The following EP300 variants were observed in gnomAD, a reference collection of about 807,000 sequenced individuals.
EP300 encodes EP300 lysine acetyltransferase.
EP300 carries 31 observed loss-of-function variants against 264.0 expected under a neutral mutation model. That is an observed-to-expected ratio of 0.12 (90% confidence interval 0.09 to 0.16). EP300 has a LOEUF of 0.16. Ranked by LOEUF, EP300 falls within the 10% of genes least tolerant of loss-of-function variation. The probability of loss-of-function intolerance (pLI) is 1.00; values close to 1 mark genes in which losing one functional copy is unlikely to be tolerated. For synonymous variants in EP300, 1,340 were observed against 1,045.4 expected, an observed-to-expected ratio of 1.28 and a Z score of -5.44; for missense variants, 2,766 against 3,052.9, an observed-to-expected ratio of 0.91 and a Z score of 2.21.
At chr22:41,164,186 A>G (rs1369642220) in intron 22 of EP300, 56 bp downstream of exon 22, 6 of 1,487,474 alleles carry the variant, frequency 4.0e-6, no homozygotes, top group African/African-American at 2.8e-5. Flanking sequence ...GAATATTAAC[A>G]AGTTTTTTAT....
chr22:41,127,394 A>T, intron 3 of EP300, 93 bp from the exon 4 acceptor site: 1 of 1,551,156 alleles, frequency 6.4e-7, no homozygotes, highest in Non-Finnish European at 8.8e-7. Context: ...TAGACTAACC[A>T]TAAAGGTTTT....
intron 7 of EP300, among the ~76,000 whole-genome samples, 174 bp from the exon 8 acceptor site, chr22:41,137,479 A>G (rs959694643): frequency 4.6e-5 from 7 of 152,190 alleles, no homozygotes; most frequent in Admixed American, 2.6e-4. Flanking sequence ...ACAGGTATGA[A>G]CATGCACAGT....
chr22:41,137,522 C>T, intron 7 of EP300, 131 bp from the exon 8 acceptor site: 5 of 1,211,406 alleles, frequency 4.1e-6, no homozygotes, highest in Non-Finnish European at 6.0e-6. Flanking sequence ...CTTCTCCCTG[C>T]CTAGCTCCTT....
At chr22:41,164,203 C>T in intron 22 of EP300, 73 bp downstream of exon 22, 2 of 1,294,574 alleles carry the variant, frequency 1.5e-6, no homozygotes, top group Non-Finnish European at 2.2e-6. Flanking sequence ...TTATTCTATG[C>T]AATTGACTGT....
At position 41,131,273 on chromosome 22, in the gene EP300, C is replaced by T; in HGVS notation, c.1283-115C>T. On this transcript the variant is annotated intron_variant, in intron 5 of 30. Transcript: ENST00000263253. ...AATAATGGAAGACAAGATCCACATA[C>T]TCAGATGTTTCATAATCACGTAACA... The T allele has an allele frequency of 2.6e-6, 3 of 1,172,718 alleles. No individual in the cohort carries two copies. The South Asian group carries it at 3.7e-5, about 14-fold the overall frequency. The allele number at this position is 1,172,718 out of a possible 1,614,324, so 72.6% of individuals were successfully genotyped here. A position where few individuals can be genotyped will look rare whatever the true frequency, so the allele number is the denominator to read the frequency against.
intron 2 of EP300, among the ~76,000 whole-genome samples, chr22:41,125,309 G>A (rs1195408285): frequency 6.6e-6 from 1 of 151,514 alleles, no homozygotes; most frequent in African/African-American, 2.4e-5. Context: ...TAGTAGAGAC[G>A]GGGTTTCACC....
At chr22:41,130,440 G>A (rs933750662) in intron 5 of EP300, among the ~76,000 whole-genome samples, 6 of 151,892 alleles carry the variant, frequency 4.0e-5, no homozygotes, top group African/African-American at 1.5e-4. Context: ...GAGATGAGAG[G>A]ATTGCTTGAA....
At position 41,168,768 on chromosome 22, in the gene EP300, A is replaced by G. The variant is rs2059154283; in HGVS notation, c.4073A>G (p.Lys1358Arg). The stretch of plus-strand genomic sequence containing the variant: ...GCAGAATCCTTTCCATACCGAACCA[A>G]AGCCCTCTTTGCCTTTGAAGAAATT... ...EMAESFPYRT[K>R]ALFAFEEIDG... The change falls in exon 25 of 31, where the codon AAA (lysine) becomes AGA (arginine). Residue 1358 changes from lysine (K) to arginine (R), a missense_variant. Physicochemically the swap from Lys to Arg is conservative, Grantham distance 26. Coordinates refer to ENST00000263253, the MANE Select transcript of EP300 (RefSeq NM_001429.4). The G allele has an allele frequency of 3.7e-6, 6 of 1,614,168 alleles. No homozygotes were observed. Among genetic ancestry groups the G allele is most frequent in the East Asian group, 4.5e-5 (2 of 44,882 alleles).
intron 6 of EP300, among the ~76,000 whole-genome samples, chr22:41,134,572 T>C (rs781465159): frequency 1.6e-4 from 25 of 152,192 alleles, no homozygotes; most frequent in Non-Finnish European, 2.8e-4. Context: ...TTTTTGTATG[T>C]TTTGTAGAGA....
intron 9 of EP300, 61 bp from the exon 10 acceptor site, chr22:41,140,987 G>A (rs2058978969): frequency 6.7e-7 from 1 of 1,495,036 alleles, no homozygotes; most frequent in Non-Finnish European, 9.2e-7. Context: ...TATTTTTTCT[G>A]TTACCTGGTG....
rs778272801 is a variant in EP300, at chr22:41,150,201, A to G, written c.2817+3A>G. The G allele has an allele frequency of 6.2e-7, 1 of 1,602,810 alleles. No homozygotes were observed. The highest frequency in any genetic ancestry group is 8.5e-7 in the Non-Finnish European group (1 of 1,177,388). The stretch of plus-strand genomic sequence containing the variant: ...TTCCTCCGCAGCCTGCAACTCCAGT[A>G]AGTAGAGATTTGGATTTAGGCAGAA... On this transcript the variant is annotated splice_donor_region_variant and intron_variant, in intron 14 of 30. Transcript: ENST00000263253.
intron 22 of EP300, among the ~76,000 whole-genome samples, chr22:41,165,170 T>C (rs1423969346): frequency 6.6e-6 from 1 of 152,250 alleles, no homozygotes; most frequent in Non-Finnish European, 1.5e-5. Context: ...TTTTAGTGCT[T>C]TCCTTAACAG....
chr22:41,117,451 G>C lies in EP300; in HGVS notation c.359G>C (p.Ser120Thr), dbSNP rs1303897359. The C allele has an allele frequency of 6.2e-7, 1 of 1,613,972 alleles. No homozygotes were observed. The highest frequency in any genetic ancestry group is 1.3e-5 in the African/African-American group (1 of 74,930). Residue 120 changes from serine (S) to threonine (T), a missense_variant, in exon 2 of 31, where the codon AGC (serine) becomes ACC (threonine). By Grantham distance (58) the Ser-to-Thr change is moderately conservative (BLOSUM62 1). Transcript: ENST00000263253. ...AGTCCTGGATTAGGTTTGATAAATA[G>C]CATGGTCAAAAGCCCAATGACACAG... ...QSSPGLGLINSMVKSPMTQAG... is the reference protein window; with the variant it reads ...QSSPGLGLINTMVKSPMTQAG...
In EP300 at chr22:41,168,747, A is replaced by C; in HGVS notation, c.4052A>C (p.Glu1351Ala). 1 of 1,614,212 alleles carries C rather than the reference A, an allele frequency of 6.2e-7. No homozygotes were observed. The highest frequency in any genetic ancestry group is 8.5e-7 in the Non-Finnish European group (1 of 1,180,032). The part of the protein sequence containing the change: ...ARFVDSGEMA[E>A]SFPYRTKALF... ...TTTGTGGACAGTGGAGAGATGGCAG[A>C]ATCCTTTCCATACCGAACCAAAGCC... Residue 1351 changes from glutamate to alanine, a missense_variant, in exon 25 of 31, where the codon GAA (glutamate) becomes GCA (alanine). Transcript: ENST00000263253.
chr22:41,167,683 T>C (rs1247758406), intron 23 of EP300, among the ~76,000 whole-genome samples: 1 of 138,332 alleles, frequency 7.2e-6, no homozygotes, highest in East Asian at 2.0e-4. Context: ...AAGGTTTCAC[T>C]GTGTTGTCCA....
At chr22:41,128,492 T>C (rs527958818) in intron 4 of EP300, among the ~76,000 whole-genome samples, 4 of 152,300 alleles carry the variant, frequency 2.6e-5, no homozygotes, top group South Asian at 4.1e-4. Flanking sequence ...TGTGTAATTT[T>C]TTAAAATTAT....
intron 1 of EP300, among the ~76,000 whole-genome samples, chr22:41,099,787 C>T (rs149959814): frequency 5.9e-5 from 9 of 152,298 alleles, no homozygotes; most frequent in East Asian, 1.9e-4. Context: ...TGCCCTGCCC[C>T]ATAGTCAGTC....
At chr22:41,151,374 T>C (rs931031333) in intron 14 of EP300, among the ~76,000 whole-genome samples, 2 of 152,232 alleles carry the variant, frequency 1.3e-5, no homozygotes, top group Non-Finnish European at 2.9e-5. Context: ...AATGCCAGTT[T>C]ATCTCATTAG....
In EP300 at chr22:41,178,668, G is replaced by T. The variant is rs1175084387; in HGVS notation, c.6957G>T (p.Gln2319His). The T allele has an allele frequency of 6.2e-7, 1 of 1,613,956 alleles. No individual in the cohort carries two copies. Among genetic ancestry groups the T allele is most frequent in the Non-Finnish European group, 8.5e-7 (1 of 1,180,022 alleles). Residue 2319 changes from glutamine (Q) to histidine (H), a missense_variant, in exon 31 of 31, where the codon CAG (glutamine) becomes CAT (histidine). Coordinates refer to ENST00000263253, the MANE Select transcript of EP300 (RefSeq NM_001429.4). ...AGCCTGTCCCTTCTCCACGGCCACA[G>T]TCCCAGCCCCCCCACTCCAGTCCTT... ...SPQPVPSPRP[Q>H]SQPPHSSPSP...
Sources: gnomAD v4.1 joint callset for allele counts (sites outside exome capture counted in the v4.1 genomes callset) on GRCh38, gnomAD v4.1.1 for gene constraint, MANE v1.5 for transcripts, NCBI Gene and HGNC (gene_info 2026-07-23, HGNC 2026-07-21) for gene names.